Variants in NR1H2 observed in about 807,000 individuals in gnomAD.
The protein encoded by NR1H2 is oxysterols receptor LXR-beta.
NR1H2 carries 33 observed loss-of-function variants against 51.2 expected under a neutral mutation model. The observed-to-expected ratio is 0.64, with a 90% CI of 0.49 to 0.86. The LOEUF (loss-of-function observed/expected upper bound fraction) is 0.86. Among genes scored for constraint, NR1H2 ranks in the 40% least tolerant of loss-of-function variants. NR1H2 has a pLI of 0.00. For synonymous variants in NR1H2, 310 were observed against 264.3 expected (o/e 1.17, Z -1.68); for missense variants, 592 against 639.9 (o/e 0.93, Z 0.81).
chr19:50,382,105 C>T lies in NR1H2; in HGVS notation c.1167C>T (p.Gly389=), dbSNP rs756607654. ...ACCGGCCCAACGTGCAGGAGCCGGG[C>T]CGCGTGGAGGCGTTGCAGCAGCCCT... ...SADRPNVQEP[G]RVEALQQPYV... is the part of the protein sequence containing the mutation. The change falls in exon 9 of 10, where the codon GGC becomes GGT. Residue 389 remains glycine (G), a synonymous_variant. Transcript: ENST00000253727. 6.5e-6 allele frequency: 10 copies of T among 1,546,902 alleles called. No individual in the cohort carries two copies. Among genetic ancestry groups the T allele is most frequent in the Non-Finnish European group, 7.0e-6 (8 of 1,147,070 alleles).
At chr19:50,382,229 G>C (rs2037782251) in intron 9 of NR1H2, 55 bp downstream of exon 9, 1 of 1,460,536 alleles carries the variant, frequency 6.8e-7, no homozygotes, top group Non-Finnish European at 9.1e-7. Context: ...GGCCCACGTG[G>C]TCCGTTCAGG....
chr19:50,383,180 C>A lies in NR1H2; in HGVS notation c.*578C>A, dbSNP rs1009627099. Among the ~76,000 whole-genome samples the A allele has an allele frequency of 3.9e-5, 6 of 152,102 alleles. No homozygotes were observed. The highest frequency in any genetic ancestry group is 3.3e-4 in the Admixed American group (5 of 15,268). On this transcript the variant is annotated 3_prime_UTR_variant, in exon 10 of 10. Transcript: ENST00000253727. ...TGGTGTGTCGCCTGCTGTGAAAGTT[C>A]AGGACAGAGGCCTCAGCCTCAGGGT...
intron 8 of NR1H2, among the ~76,000 whole-genome samples, chr19:50,380,199 A>G (rs1405694797): frequency 6.6e-6 from 1 of 152,098 alleles, no homozygotes; most frequent in Non-Finnish European, 1.5e-5. Flanking sequence ...GACTCTGTAC[A>G]TTGGGTTGCA....
chr19:50,382,285 C>T (rs1360041678), intron 9 of NR1H2, 111 bp downstream of exon 9: 3 of 1,349,040 alleles, frequency 2.2e-6, no homozygotes, highest in East Asian at 2.5e-5. Flanking sequence ...AGAGTCTTTC[C>T]TCAGGCCCCA....
rs1194406377 is a variant in NR1H2 at position 50,379,028 on chromosome 19, G to T, written c.774G>T (p.Gln258His). ...VTPWPLGADPQSRDARQQRFA... is the reference protein window; with the variant it reads ...VTPWPLGADPHSRDARQQRFA... ...CCTGGCCCCTGGGCGCAGACCCCCA[G>T]TCCCGAGATGCCCGCCAGCAACGCT... Residue 258 changes from glutamine (Q) to histidine (H), a missense_variant, in exon 7 of 10, where the codon CAG becomes CAT. Physicochemically the swap from Gln to His is conservative, Grantham distance 24. Transcript: ENST00000253727. 6.2e-6 allele frequency: 10 copies of T among 1,612,280 alleles called. No homozygotes were observed. Among genetic ancestry groups the T allele is most frequent in the Non-Finnish European group, 7.6e-6 (9 of 1,179,548 alleles).
chr19:50,377,746 T>G lies in NR1H2; in HGVS notation c.57T>G (p.Pro19=). The change falls in exon 4 of 10, where the codon CCT becomes CCG. Residue 19 remains proline, a synonymous_variant. Coordinates refer to ENST00000253727, the MANE Select transcript of NR1H2 (RefSeq NM_007121.7). ...LDTPLPGNGP[P]QPGAPSSSPT... is the part of the protein sequence containing the mutation. ...ACCCTCTTCCAGGAAATGGCCCCCCTCAGCCTGGCGCCCCTTCTTCTTCAC... is the reference window on the plus strand; with the variant it reads ...ACCCTCTTCCAGGAAATGGCCCCCCGCAGCCTGGCGCCCCTTCTTCTTCAC... 6.2e-7 allele frequency: 1 copy of G among 1,607,058 alleles called. No individual in the cohort carries two copies. The highest frequency in any genetic ancestry group is 8.5e-7 in the Non-Finnish European group (1 of 1,176,316).
At position 50,379,848 on chromosome 19, in the gene NR1H2, C is replaced by T; in HGVS notation, c.996C>T (p.Phe332=). Residue 332 remains phenylalanine, a synonymous_variant, in exon 8 of 10, where the codon TTC becomes TTT. Transcript: ENST00000253727. ...ETECITFLKD[F]TYSKDDFHRA... The stretch of plus-strand genomic sequence containing the variant: ...AGTGTATCACCTTCTTGAAGGACTT[C>T]ACCTACAGCAAGGACGACTTCCACC... 1 of 1,613,902 alleles carries T rather than the reference C, an allele frequency of 6.2e-7. No individual in the cohort carries two copies. Among genetic ancestry groups the T allele is most frequent in the South Asian group, 1.1e-5 (1 of 91,076 alleles).
rs532929280 is a variant in NR1H2, at chr19:50,382,874, G to C, written c.*272G>C. ...GCTTACACCTCAAGCCCAGCACGCA[G>C]TGCACCTTGAACAGAGGGAGGGGAG... On this transcript the variant is annotated 3_prime_UTR_variant, in exon 10 of 10. Coordinates refer to ENST00000253727, the MANE Select transcript of NR1H2 (RefSeq NM_007121.7). The C allele has an allele frequency of 5.4e-6, 2 of 370,536 alleles. No homozygotes were observed. The highest frequency in any genetic ancestry group is 6.1e-5 in the South Asian group (1 of 16,524). The allele number at this position is 370,536 out of a possible 1,614,324, so 23.0% of individuals were successfully genotyped here.
At chr19:50,381,765 C>A (rs1392944915) in intron 8 of NR1H2, among the ~76,000 whole-genome samples, 1 of 152,218 alleles carries the variant, frequency 6.6e-6, no homozygotes, top group Non-Finnish European at 1.5e-5. Flanking sequence ...CACCCTCATT[C>A]ATTCCTTCAC....
At chr19:50,380,821 C>G (rs921194269) in intron 8 of NR1H2, among the ~76,000 whole-genome samples, 3 of 152,154 alleles carry the variant, frequency 2.0e-5, no homozygotes, top group African/African-American at 7.2e-5. Context: ...TTCCCAGCCG[C>G]TCCTCTGCCA....
At position 50,382,728 on chromosome 19, in the gene NR1H2, C is replaced by G; in HGVS notation, c.*126C>G. ...GCCTGTAGACCTATCGGCTCTCATC[C>G]CTTGGGATAAGCCCCAGTCCAGGTC... is the stretch of plus-strand genomic sequence containing the variant. On this transcript the variant is annotated 3_prime_UTR_variant, in exon 10 of 10. Coordinates refer to ENST00000253727, the MANE Select transcript of NR1H2 (RefSeq NM_007121.7). The G allele has an allele frequency of 9.7e-7, 1 of 1,033,338 alleles. No individual in the cohort carries two copies. Among genetic ancestry groups the G allele is most frequent in the Non-Finnish European group, 1.4e-6 (1 of 729,760 alleles). 64.0% of individuals were successfully genotyped at this position (1,033,338 alleles called of 1,614,324 possible).
chr19:50,379,285 C>T, intron 7 of NR1H2, 104 bp downstream of exon 7: 1 of 1,234,436 alleles, frequency 8.1e-7, no homozygotes, highest in South Asian at 1.5e-5. Context: ...GATGACATTC[C>T]ACGGCGAATA....
At chr19:50,381,941 T>C in intron 8 of NR1H2, 25 bp from the exon 9 acceptor site, 1 of 1,533,732 alleles carries the variant, frequency 6.5e-7, no homozygotes, top group Non-Finnish European at 8.8e-7. Context: ...GCTGAGGGAG[T>C]CACGGGCTGC....
chr19:50,380,885 G>T (rs2037754865), intron 8 of NR1H2, among the ~76,000 whole-genome samples: 2 of 152,168 alleles, frequency 1.3e-5, no homozygotes, highest in Non-Finnish European at 2.9e-5. Context: ...CTCCACCCCT[G>T]CCTGATGGGG....
rs190497316 is a variant in NR1H2, at chr19:50,378,583, G to A, written c.534G>A (p.Gln178=). Residue 178 remains glutamine, a synonymous_variant, in exon 6 of 10, where the codon CAG becomes CAA. Transcript: ENST00000253727. ...TTCGGAAACAGCAGCAGGAGTCACA[G>A]TCACAGTCGCAGTCACCTGTGGGGC... The part of the protein sequence containing the change: ...KKIRKQQQES[Q]SQSQSPVGPQ... The A allele has an allele frequency of 1.9e-4, 314 of 1,613,794 alleles. 3 individuals are homozygous for A. In the East Asian group the frequency reaches 6.6e-3, roughly 34 times the overall value.
At position 50,382,449 on chromosome 19, in the gene NR1H2, C is replaced by T. The variant is rs1353342895; in HGVS notation, c.1237-7C>T. 2 of 1,586,918 alleles carry T rather than the reference C, an allele frequency of 1.3e-6. No individual in the cohort carries two copies. Among genetic ancestry groups the T allele is most frequent in the Non-Finnish European group, 8.5e-7 (1 of 1,169,978 alleles). The stretch of plus-strand genomic sequence containing the variant: ...CTCAGCCAGCGCCCACCTGCCTCCT[C>T]CCTCAGGACCAGCTGCGCTTCCCGC... On this transcript the variant is annotated splice_polypyrimidine_tract_variant and splice_region_variant and intron_variant, in intron 9 of 9. Coordinates refer to ENST00000253727, the MANE Select transcript of NR1H2 (RefSeq NM_007121.7).
intron 5 of NR1H2, 34 bp from the exon 6 acceptor site, chr19:50,378,488 C>G: frequency 6.3e-7 from 1 of 1,587,126 alleles, no homozygotes; most frequent in Non-Finnish European, 8.6e-7. Context: ...CCGCCTAGCC[C>G]TGGGGTTCTG....
Position 50,377,741 on chromosome 19 carries a change from C to G in NR1H2, c.52C>G (p.Pro18Ala), listed in dbSNP as rs1217391042. 1 of 1,605,436 alleles carries G rather than the reference C, an allele frequency of 6.2e-7. No homozygotes were observed. Residue 18 changes from proline (P) to alanine (A), a missense_variant, in exon 4 of 10, where the codon CCC (proline) becomes GCC (alanine). By Grantham distance (27) the Pro-to-Ala change is conservative (BLOSUM62 -1). This residue lies in a region of NR1H2 where 316 missense variants were observed against 313.4 expected (regional missense o/e 1.01). Transcript: ENST00000253727. Reference sequence around the variant, plus strand: ...ATTCCACCCTCTTCCAGGAAATGGCCCCCCTCAGCCTGGCGCCCCTTCTTC... The same window carrying G: ...ATTCCACCCTCTTCCAGGAAATGGCGCCCCTCAGCCTGGCGCCCCTTCTTC... ...SLDTPLPGNG[P>A]PQPGAPSSSP...
At position 50,382,570 on chromosome 19, in the gene NR1H2, C is replaced by T. The variant is rs143601595; in HGVS notation, c.1351C>T (p.Leu451=). ...GCTCCAGGACAAGAAGCTGCCGCCTCTGCTGTCGGAGATCTGGGACGTCCA... is the reference window on the plus strand; with the variant it reads ...GCTCCAGGACAAGAAGCTGCCGCCTTTGCTGTCGGAGATCTGGGACGTCCA... The part of the protein sequence containing the change: ...LRLQDKKLPP[L]LSEIWDVHE Residue 451 remains leucine (L), a synonymous_variant, in exon 10 of 10, where the codon CTG becomes TTG. Coordinates refer to ENST00000253727, the MANE Select transcript of NR1H2 (RefSeq NM_007121.7). 994 of 1,602,392 alleles carry T rather than the reference C, an allele frequency of 6.2e-4. 8 individuals are homozygous for T. The African/African-American group carries it at 0.011, about 17-fold the overall frequency.
Sources: gnomAD v4.1 joint callset for allele counts (sites outside exome capture counted in the v4.1 genomes callset) on GRCh38, gnomAD v4.1.1 for gene constraint, gnomAD v4.1.1 regional missense constraint, MANE v1.5 for transcripts, NCBI Gene and HGNC (gene_info 2026-07-23, HGNC 2026-07-21) for gene names.